TACR3: variants seen among roughly 807,000 people sequenced by gnomAD.
TACR3 encodes the protein tachykinin receptor 3, also known as neuromedin-K receptor.
A neutral mutation model predicts 35.0 loss-of-function variants in TACR3; 34 were observed. The ratio of observed to expected loss-of-function variants is 0.97; its 90% CI spans 0.74 to 1.30. TACR3 has a LOEUF of 1.30. TACR3 is among the 50% of genes most tolerant of loss of function. The probability of loss-of-function intolerance (pLI) is 0.00; values close to 1 mark genes in which losing one functional copy is unlikely to be tolerated. For synonymous variants in TACR3, 233 were observed against 221.1 expected, an observed-to-expected ratio of 1.05 and a Z score of -0.48; for missense variants, 558 against 591.7, an observed-to-expected ratio of 0.94 and a Z score of 0.59.
intron 1 of TACR3, among the ~76,000 whole-genome samples, chr4:103,667,757 A>T (rs1366236892): frequency 6.6e-6 from 1 of 152,202 alleles, no homozygotes; most frequent in East Asian, 1.9e-4. Context: ...AAAGATTAAA[A>T]CAAATTTTAT....
At chr4:103,679,906 C>A (rs1197099846) in intron 1 of TACR3, among the ~76,000 whole-genome samples, 1 of 151,680 alleles carries the variant, frequency 6.6e-6, no homozygotes, top group Non-Finnish European at 1.5e-5. Flanking sequence ...ACAATACAAG[C>A]TCTATTATAT....
chr4:103,619,336 C>A (rs139558270), intron 3 of TACR3, among the ~76,000 whole-genome samples: 14 of 152,206 alleles, frequency 9.2e-5, no homozygotes, highest in African/African-American at 3.4e-4. Context: ...ATTGCAGACA[C>A]CTGCCACCAC....
intron 1 of TACR3, among the ~76,000 whole-genome samples, chr4:103,700,871 A>G (rs551203226): frequency 2.0e-5 from 3 of 152,290 alleles, no homozygotes; most frequent in African/African-American, 7.2e-5. Flanking sequence ...TAAAAACTCA[A>G]TAAATTAGGT....
At chr4:103,624,097 T>C (rs753330803) in intron 3 of TACR3, among the ~76,000 whole-genome samples, 3 of 152,194 alleles carry the variant, frequency 2.0e-5, no homozygotes, top group Non-Finnish European at 2.9e-5. Flanking sequence ...CGGGTAACAT[T>C]TGAAGGACCC....
chr4:103,662,217 G>GGTTTTTTTTT lies in TACR3; in HGVS notation c.549-3815_549-3814insAAAAAAAAAC, dbSNP rs1553972885. 4.6e-5 allele frequency among the ~76,000 whole-genome samples: 4 copies of GGTTTTTTTTT among 86,272 alleles called. 1 individual carries two copies. Among genetic ancestry groups the GGTTTTTTTTT allele is most frequent in the African/African-American group, 2.0e-4 (4 of 19,538 alleles). 56.6% of individuals were successfully genotyped at this position (86,272 alleles called of 152,430 possible). On this transcript the variant is annotated intron_variant, in intron 1 of 4. Coordinates refer to ENST00000304883, the MANE Select transcript of TACR3 (RefSeq NM_001059.3). ...TGTGAAAAACTCCTATGTTGATGGT[G>GGTTTTTTTTT]TTTTTTTTTTTTTTTTTTTTGAGAC...
At chr4:103,667,731 A>AT (rs758797849) in intron 1 of TACR3, among the ~76,000 whole-genome samples, 2 of 152,220 alleles carry the variant, frequency 1.3e-5, no homozygotes, top group African/African-American at 2.4e-5. Flanking sequence ...GTTGTAAAAC[A>AT]TTTAAAAGAA....
intron 4 of TACR3, 151 bp downstream of exon 4, chr4:103,591,336 G>C (rs1250846195): frequency 2.4e-6 from 2 of 848,882 alleles, no homozygotes. Flanking sequence ...TGGGGGTCTT[G>C]AAAGATAAAG....
chr4:103,699,770 G>C (rs891433052), intron 1 of TACR3, among the ~76,000 whole-genome samples: 2 of 152,092 alleles, frequency 1.3e-5, no homozygotes, highest in Non-Finnish European at 2.9e-5. Flanking sequence ...TTTGACCTGA[G>C]GCTCATATTT....
At chr4:103,632,974 A>G (rs1017714305) in intron 3 of TACR3, among the ~76,000 whole-genome samples, 1 of 152,132 alleles carries the variant, frequency 6.6e-6, no homozygotes, top group African/African-American at 2.4e-5. Context: ...TTACATAGTG[A>G]GTACATATTG....
At chr4:103,644,422 C>T (rs781006486) in intron 3 of TACR3, among the ~76,000 whole-genome samples, 2 of 151,740 alleles carry the variant, frequency 1.3e-5, no homozygotes, top group East Asian at 3.9e-4. Flanking sequence ...GAACAAATTG[C>T]GTACATTTTC....
intron 1 of TACR3, among the ~76,000 whole-genome samples, chr4:103,666,406 C>T (rs1487436796): frequency 6.6e-6 from 1 of 151,958 alleles, no homozygotes; most frequent in Non-Finnish European, 1.5e-5. Flanking sequence ...CTACAGCATA[C>T]AGGACAGGGA....
chr4:103,598,057 A>G (rs951309926), intron 3 of TACR3, among the ~76,000 whole-genome samples: 2 of 152,274 alleles, frequency 1.3e-5, no homozygotes, highest in African/African-American at 4.8e-5. Flanking sequence ...GAACTAGTTT[A>G]CAGTCCCACC....
chr4:103,650,642 TTTAA>T (rs1353467239), intron 3 of TACR3, among the ~76,000 whole-genome samples: 1 of 66,450 alleles, frequency 1.5e-5, no homozygotes, highest in Non-Finnish European at 2.6e-5. Context: ...ATAATATATA[TTTAA>T]TATATATAAA....
At chr4:103,683,156 A>G (rs1722140618) in intron 1 of TACR3, among the ~76,000 whole-genome samples, 1 of 152,144 alleles carries the variant, frequency 6.6e-6, no homozygotes, top group Non-Finnish European at 1.5e-5. Context: ...TATTTTGAAC[A>G]GAATGAAAAT....
chr4:103,700,899 C>G (rs1027230856), intron 1 of TACR3, among the ~76,000 whole-genome samples: 3 of 152,038 alleles, frequency 2.0e-5, no homozygotes, highest in Admixed American at 6.6e-5. Flanking sequence ...GGACGTATCT[C>G]AAAATAATAA....
intron 1 of TACR3, among the ~76,000 whole-genome samples, chr4:103,677,956 C>A (rs1726207634): frequency 6.6e-6 from 1 of 151,808 alleles, no homozygotes; most frequent in East Asian, 1.9e-4. Context: ...ATGCCAAATT[C>A]TGATATGAGG....
chr4:103,625,117 C>T (rs2110306550), intron 3 of TACR3, among the ~76,000 whole-genome samples: 1 of 152,218 alleles, frequency 6.6e-6, no homozygotes, highest in Non-Finnish European at 1.5e-5. Context: ...CTTTTGGACT[C>T]ATCTACAAAA....
At chr4:103,626,826 A>G (rs1724901536) in intron 3 of TACR3, among the ~76,000 whole-genome samples, 1 of 150,258 alleles carries the variant, frequency 6.7e-6, no homozygotes, top group African/African-American at 2.5e-5. Context: ...TTTACTGCAT[A>G]CTGTATCAGT....
At chr4:103,702,054 T>C (rs532684804) in intron 1 of TACR3, among the ~76,000 whole-genome samples, 1 of 152,044 alleles carries the variant, frequency 6.6e-6, no homozygotes, top group Admixed American at 6.5e-5. Context: ...ACAAATGGGA[T>C]CTAATTAAAC....
Sources: gnomAD v4.1 joint callset for allele counts (sites outside exome capture counted in the v4.1 genomes callset) on GRCh38, gnomAD v4.1.1 for gene constraint, MANE v1.5 for transcripts, NCBI Gene and HGNC (gene_info 2026-07-23, HGNC 2026-07-21) for gene names.